PACSIN2: variants seen among roughly 807,000 people sequenced by gnomAD.
PACSIN2 encodes protein kinase C and casein kinase substrate in neurons 2.
In PACSIN2, 25 loss-of-function variants were observed where a neutral mutation model predicts 63.8. That is an observed-to-expected ratio of 0.39 (90% CI 0.29 to 0.55). The LOEUF is 0.55. Ranked by LOEUF, PACSIN2 falls within the 20% of genes least tolerant of loss-of-function variation. The pLI, the probability that PACSIN2 is intolerant of heterozygous loss-of-function variation, is 0.62. For synonymous variants in PACSIN2, 255 were observed against 256.2 expected (o/e 1.00, Z 0.05); for missense variants, 518 against 646.9 (o/e 0.80, Z 2.16).
intron 1 of PACSIN2, among the ~76,000 whole-genome samples, chr22:42,986,388 A>G (rs1922611690): frequency 6.6e-6 from 1 of 152,172 alleles, no homozygotes; most frequent in African/African-American, 2.4e-5. Context: ...CAAGGGCAGC[A>G]TTCATCCGGC....
chr22:42,914,531 T>C (rs1454916874), intron 1 of PACSIN2, among the ~76,000 whole-genome samples: 1 of 152,164 alleles, frequency 6.6e-6, no homozygotes, highest in African/African-American at 2.4e-5. Context: ...CTTTTTTCTA[T>C]GGAATCCTAT....
intron 1 of PACSIN2, among the ~76,000 whole-genome samples, chr22:42,981,632 C>A (rs1484983548): frequency 1.6e-5 from 2 of 125,330 alleles, no homozygotes; most frequent in South Asian, 2.7e-4. Context: ...CCAGCCGCCC[C>A]GTCCGGGAGG....
chr22:42,901,946 G>A (rs1050577614), intron 2 of PACSIN2, among the ~76,000 whole-genome samples: 8 of 152,176 alleles, frequency 5.3e-5, no homozygotes, highest in African/African-American at 1.9e-4. Flanking sequence ...GGTGCAGAGG[G>A]AGCAGTTTCC....
At chr22:42,975,755 G>A (rs1047716944) in intron 1 of PACSIN2, among the ~76,000 whole-genome samples, 4 of 151,668 alleles carry the variant, frequency 2.6e-5, no homozygotes, top group Non-Finnish European at 4.4e-5. Flanking sequence ...GTGCACAGTG[G>A]TTTAGTTCTC....
chr22:42,945,215 C>T lies in PACSIN2; in HGVS notation c.-77-33058G>A, dbSNP rs139699425. Among the ~76,000 whole-genome samples the T allele has an allele frequency of 7.3e-5, 3 of 41,318 alleles. No individual in the cohort carries two copies. The East Asian group carries it at 2.2e-3, about 30-fold the overall frequency. The allele number at this position is 41,318 out of a possible 152,430, so 27.1% of individuals were successfully genotyped here. A position where few individuals can be genotyped will look rare whatever the true frequency, so the allele number is the denominator to read the frequency against. On this transcript the variant is annotated intron_variant, in intron 1 of 10. Transcript: ENST00000263246. ...GATGTACGCACCGGCAATTACCAAG[C>T]TGACAGAAGCAAAATCAGTGGGGGA... is the stretch of plus-strand genomic sequence containing the variant.
chr22:42,925,176 A>T (rs1932457895), intron 1 of PACSIN2, among the ~76,000 whole-genome samples: 1 of 150,732 alleles, frequency 6.6e-6, no homozygotes, highest in African/African-American at 2.4e-5. Context: ...TGTCTGTCTG[A>T]CCCTCTAGAA....
intron 1 of PACSIN2, among the ~76,000 whole-genome samples, chr22:42,950,425 T>TGGGGGTGGGAAGGGAGG (rs1569313906): frequency 7.3e-5 from 1 of 13,706 alleles, no homozygotes; most frequent in African/African-American, 2.7e-4. Flanking sequence ...GGGAAGGGAG[T>TGGGGGTGGGAAGGGAGG]GGGCAGGTGG....
At chr22:43,003,861 A>G (rs1923924377) in intron 1 of PACSIN2, among the ~76,000 whole-genome samples, 1 of 152,118 alleles carries the variant, frequency 6.6e-6, no homozygotes, top group Non-Finnish European at 1.5e-5. Context: ...GGGATGCATC[A>G]TGGGGTGGGT....
chr22:43,010,495 G>A (rs1487128433), intron 1 of PACSIN2, among the ~76,000 whole-genome samples: 2 of 151,718 alleles, frequency 1.3e-5, no homozygotes, highest in East Asian at 3.9e-4. Context: ...AGATCACGAA[G>A]GTCAGGAGAT....
chr22:42,982,972 C>T lies in PACSIN2; in HGVS notation c.-78+32049G>A, dbSNP rs190968838. 2.3e-3 allele frequency among the ~76,000 whole-genome samples: 351 copies of T among 150,492 alleles called. 3 individuals are homozygous for T. The highest frequency in any genetic ancestry group is 0.018 in the Admixed American group (268 of 15,006). ...TAGGCAGGCAGATCACTTGAGGTCACGAGTTCAAGACCAGCGTGGCCAACA... is the reference window on the plus strand; with the variant it reads ...TAGGCAGGCAGATCACTTGAGGTCATGAGTTCAAGACCAGCGTGGCCAACA... On this transcript the variant is annotated intron_variant, in intron 1 of 10. Coordinates refer to ENST00000263246, the MANE Select transcript of PACSIN2 (RefSeq NM_001184970.3).
intron 1 of PACSIN2, among the ~76,000 whole-genome samples, chr22:42,921,176 G>A (rs977912889): frequency 6.6e-6 from 1 of 151,794 alleles, no homozygotes; most frequent in Non-Finnish European, 1.5e-5. Flanking sequence ...TGGCTAACAC[G>A]GTGAAACCCT....
intron 1 of PACSIN2, chr22:42,945,974 C>G (rs1401542749): frequency 6.5e-6 from 1 of 152,932 alleles, no homozygotes; most frequent in Non-Finnish European, 1.5e-5. Context: ...ACCACTCACA[C>G]CACACTCCTG....
intron 2 of PACSIN2, among the ~76,000 whole-genome samples, chr22:42,896,141 C>A (rs1453914838): frequency 6.6e-6 from 1 of 152,240 alleles, no homozygotes; most frequent in African/African-American, 2.4e-5. Flanking sequence ...ACTTCCATCT[C>A]TCATGAAGTG....
At chr22:42,899,893 G>A (rs532920665) in intron 2 of PACSIN2, among the ~76,000 whole-genome samples, 15 of 152,334 alleles carry the variant, frequency 9.8e-5, no homozygotes, top group African/African-American at 3.4e-4. Flanking sequence ...TGCACATGAA[G>A]TAGGGGTGCG....
At chr22:42,915,200 CAAG>C (rs1223691775) in intron 1 of PACSIN2, among the ~76,000 whole-genome samples, 4 of 152,112 alleles carry the variant, frequency 2.6e-5, no homozygotes, top group African/African-American at 9.7e-5. Context: ...TGCCAGGAGC[CAAG>C]GAGAGGCTCA....
At position 42,903,822 on chromosome 22, in the gene PACSIN2, T is replaced by C. The variant is rs137908268; in HGVS notation, c.60+8199A>G. 1.0e-3 allele frequency among the ~76,000 whole-genome samples: 152 copies of C among 152,330 alleles called. 2 individuals are homozygous for C. In the East Asian group the frequency reaches 0.028, roughly 28 times the overall value. On this transcript the variant is annotated intron_variant, in intron 2 of 10. Transcript: ENST00000263246. Reference sequence around the variant, plus strand: ...TCCTGTCCTTTCCTCGGGGCCTCAATTCTGTCTCAACTTGGGGTTTTCAGT... The same window carrying C: ...TCCTGTCCTTTCCTCGGGGCCTCAACTCTGTCTCAACTTGGGGTTTTCAGT...
chr22:42,971,738 C>T (rs1393948356), intron 1 of PACSIN2, among the ~76,000 whole-genome samples: 1 of 151,902 alleles, frequency 6.6e-6, no homozygotes, highest in Non-Finnish European at 1.5e-5. Context: ...TGTCCGGCAG[C>T]CGCCCCGTCC....
intron 1 of PACSIN2, among the ~76,000 whole-genome samples, chr22:42,917,662 G>A (rs541067555): frequency 7.2e-5 from 11 of 152,254 alleles, no homozygotes; most frequent in African/African-American, 1.4e-4. Context: ...ACTGCTCTGC[G>A]GTGTGCCGTG....
At position 42,871,009 on chromosome 22, in the gene PACSIN2, A is replaced by G; in HGVS notation, c.*348T>C. 2 of 266,706 alleles carry G rather than the reference A, an allele frequency of 7.5e-6. No individual in the cohort carries two copies. The highest frequency in any genetic ancestry group is 7.3e-6 in the Non-Finnish European group (1 of 137,338). 16.5% of individuals were successfully genotyped at this position (266,706 alleles called of 1,614,324 possible). A position where few individuals can be genotyped will look rare whatever the true frequency, so the allele number is the denominator to read the frequency against. On this transcript the variant is annotated 3_prime_UTR_variant, in exon 11 of 11. Transcript: ENST00000263246. The surrounding 1 kb of genome is among the most constrained non-coding windows in gnomAD (Gnocchi z 5.4). Reference sequence around the variant, plus strand: ...TTAAGTTGCAGGTGATGGACTCGTCAGAGAGAGTAATCAGTGGAACAAGAT... The same window carrying G: ...TTAAGTTGCAGGTGATGGACTCGTCGGAGAGAGTAATCAGTGGAACAAGAT...
Sources: gnomAD v4.1 joint callset for allele counts (sites outside exome capture counted in the v4.1 genomes callset) on GRCh38, gnomAD v4.1.1 for gene constraint, Gnocchi (gnomAD v3.1) non-coding constraint, MANE v1.5 for transcripts, NCBI Gene and HGNC (gene_info 2026-07-23, HGNC 2026-07-21) for gene names.